The following FAM135B variants were observed in gnomAD, a reference collection of about 807,000 sequenced individuals.
The protein encoded by FAM135B is protein FAM135B.
In FAM135B, 43 loss-of-function variants were observed where a neutral mutation model predicts 127.7. That is an observed-to-expected ratio of 0.34 (90% CI 0.26 to 0.43). The LOEUF (loss-of-function observed/expected upper bound fraction) is 0.43. FAM135B is among the 20% of genes least tolerant of loss of function. The probability of loss-of-function intolerance (pLI) is 1.00; values close to 1 mark genes in which losing one functional copy is unlikely to be tolerated. For missense variants in FAM135B, 1,558 were observed against 1,725.6 expected (o/e 0.90, Z 1.72); for synonymous variants, 670 against 665.1 (o/e 1.01, Z -0.11).
intron 3 of FAM135B, among the ~76,000 whole-genome samples, chr8:138,271,324 C>T (rs779209371): frequency 6.6e-6 from 1 of 152,144 alleles, no homozygotes; most frequent in African/African-American, 2.4e-5. Flanking sequence ...ACTTAAAGTA[C>T]CCTGCTGCAC....
At chr8:138,198,782 T>C (rs1816866796) in intron 7 of FAM135B, among the ~76,000 whole-genome samples, 1 of 151,772 alleles carries the variant, frequency 6.6e-6, no homozygotes, top group African/African-American at 2.4e-5. Flanking sequence ...AGTTTTTTTC[T>C]TGCCAACTCA....
At chr8:138,227,745 G>T (rs1425866977) in intron 7 of FAM135B, among the ~76,000 whole-genome samples, 3 of 140,782 alleles carry the variant, frequency 2.1e-5, no homozygotes, top group Non-Finnish European at 4.6e-5. Context: ...TTTTGGTGGT[G>T]GTGGTGGTAG....
intron 4 of FAM135B, among the ~76,000 whole-genome samples, chr8:138,264,233 A>C (rs964409483): frequency 6.6e-6 from 1 of 152,190 alleles, no homozygotes; most frequent in Admixed American, 6.5e-5. Flanking sequence ...TCAGTTCTGC[A>C]TTGGCTTCTC....
intron 4 of FAM135B, among the ~76,000 whole-genome samples, chr8:138,260,971 C>T (rs1822496379): frequency 6.6e-6 from 1 of 152,052 alleles, no homozygotes; most frequent in African/African-American, 2.4e-5. Flanking sequence ...CAGTTTCTAG[C>T]CCCTTAGCAA....
chr8:138,312,491 A>G (rs1826765030), intron 2 of FAM135B, among the ~76,000 whole-genome samples: 1 of 152,182 alleles, frequency 6.6e-6, no homozygotes, highest in African/African-American at 2.4e-5. Flanking sequence ...CAGACTGGAT[A>G]CTGGAGAAGC....
At chr8:138,143,673 AG>A (rs1378928157) in intron 15 of FAM135B, among the ~76,000 whole-genome samples, 3 of 152,228 alleles carry the variant, frequency 2.0e-5, no homozygotes, top group Non-Finnish European at 4.4e-5. Context: ...GGCAGCAACA[AG>A]GAAGATATAT....
rs767526817 is a variant in FAM135B at position 138,148,558 on chromosome 8, T to A, written c.3410A>T (p.Asp1137Val). The change falls in exon 14 of 20, where the codon GAT becomes GTT. Residue 1137 changes from aspartate to valine, a missense_variant. This residue lies in a region of FAM135B where 923 missense variants were observed against 865.3 expected (regional missense o/e 1.07). Transcript: ENST00000395297. Reference sequence around the variant, plus strand: ...GACACAGACAACCAGGTGAATTCCATCTTCCAAATTTTCTTCCTCTTCCTC... The same window carrying A: ...GACACAGACAACCAGGTGAATTCCAACTTCCAAATTTTCTTCCTCTTCCTC... ...PPEEEEENLE[D>V]GIHLVVCVHG... is the part of the protein sequence containing the mutation. 2 of 1,614,140 alleles carry A rather than the reference T, an allele frequency of 1.2e-6. No individual in the cohort carries two copies. The highest frequency in any genetic ancestry group is 1.7e-6 in the Non-Finnish European group (2 of 1,179,982).
intron 4 of FAM135B, among the ~76,000 whole-genome samples, chr8:138,263,387 T>C (rs1822687796): frequency 6.6e-6 from 1 of 151,992 alleles, no homozygotes. Context: ...TTGCAGAAGC[T>C]CTCATAGGCT....
At chr8:138,489,818 A>G (rs778857537) in intron 1 of FAM135B, among the ~76,000 whole-genome samples, 1 of 151,556 alleles carries the variant, frequency 6.6e-6, no homozygotes, top group Non-Finnish European at 1.5e-5. Context: ...AGCTCCCCCG[A>G]CTCCTTATCC....
At chr8:138,418,646 CA>C (rs1834308049) in intron 1 of FAM135B, among the ~76,000 whole-genome samples, 1 of 152,102 alleles carries the variant, frequency 6.6e-6, no homozygotes. Context: ...ATATATTCAG[CA>C]TCTTTAAAGA....
rs544321765 is a variant in FAM135B at position 138,241,061 on chromosome 8, G to A, written c.669+1881C>T. Among the ~76,000 whole-genome samples the A allele has an allele frequency of 3.9e-5, 6 of 152,136 alleles. No homozygotes were observed. Among genetic ancestry groups the A allele is most frequent in the East Asian group, 3.9e-4 (2 of 5,166 alleles). On this transcript the variant is annotated intron_variant, in intron 7 of 19. Coordinates refer to ENST00000395297, the MANE Select transcript of FAM135B (RefSeq NM_015912.4). This position sits in a 1 kb window ranked among gnomAD's most constrained non-coding sequence, Gnocchi z 4.8. Reference sequence around the variant, plus strand: ...AAACTCTGGGTGCCAGCCCACGTGGGGGCTGAAGGAAGGAAGACTGGACAT... The same window carrying A: ...AAACTCTGGGTGCCAGCCCACGTGGAGGCTGAAGGAAGGAAGACTGGACAT...
intron 1 of FAM135B, among the ~76,000 whole-genome samples, chr8:138,381,916 C>T (rs1328829646): frequency 1.3e-5 from 2 of 151,940 alleles, no homozygotes; most frequent in East Asian, 3.9e-4. Flanking sequence ...GCAGATGAGT[C>T]CTCTATTTAT....
intron 1 of FAM135B, among the ~76,000 whole-genome samples, chr8:138,469,764 GAGA>G (rs1047100413): frequency 2.6e-5 from 4 of 152,210 alleles, no homozygotes; most frequent in African/African-American, 7.2e-5. Context: ...ATATTTTGGG[GAGA>G]AGAAGGGCTG....
chr8:138,446,208 T>C (rs1183267592), intron 1 of FAM135B, among the ~76,000 whole-genome samples: 2 of 152,054 alleles, frequency 1.3e-5, no homozygotes, highest in African/African-American at 4.8e-5. Flanking sequence ...AGAATCAATA[T>C]CGTGAAAATG....
At chr8:138,166,978 T>C (rs139268419) in intron 12 of FAM135B, among the ~76,000 whole-genome samples, 263 of 152,122 alleles carry the variant, frequency 1.7e-3, no homozygotes, top group African/African-American at 5.9e-3. Context: ...GACTCAGCCC[T>C]GGACAAGACA....
intron 1 of FAM135B, among the ~76,000 whole-genome samples, chr8:138,374,737 T>C (rs943563673): frequency 1.3e-5 from 2 of 152,094 alleles, no homozygotes; most frequent in Admixed American, 6.6e-5. Context: ...TCATTAGAGG[T>C]ATCCGAAAAG....
chr8:138,391,298 G>A (rs753129495), intron 1 of FAM135B, among the ~76,000 whole-genome samples: 1 of 151,916 alleles, frequency 6.6e-6, no homozygotes, highest in African/African-American at 2.4e-5. Flanking sequence ...ATTTTACAGA[G>A]GAGGATCCAG....
At chr8:138,139,906 A>G (rs1816980747) in intron 17 of FAM135B, among the ~76,000 whole-genome samples, 1 of 152,260 alleles carries the variant, frequency 6.6e-6, no homozygotes, top group Non-Finnish European at 1.5e-5. Flanking sequence ...AAGCTATGGT[A>G]TGTACATATA....
At chr8:138,367,718 AT>A (rs1353496861) in intron 2 of FAM135B, among the ~76,000 whole-genome samples, 188 bp downstream of exon 2, 1 of 152,092 alleles carries the variant, frequency 6.6e-6, no homozygotes, top group Non-Finnish European at 1.5e-5. Context: ...CTCTGTCAAT[AT>A]GTGGTTTATT....
Sources: allele counts gnomAD v4.1 joint callset (sites outside exome capture counted in the v4.1 genomes callset), GRCh38; gene constraint gnomAD v4.1.1; regional missense constraint gnomAD v4.1.1; non-coding constraint Gnocchi (gnomAD v3.1); transcripts MANE v1.5; gene names NCBI Gene and HGNC (gene_info 2026-07-23, HGNC 2026-07-21).